TTLL7: variants seen among roughly 807,000 people sequenced by gnomAD.
The protein encoded by TTLL7 is tubulin polyglutamylase TTLL7.
Under a neutral mutation model 120.2 loss-of-function variants are expected in TTLL7, and 53 were observed. The observed-to-expected ratio is 0.44, with a 90% CI of 0.35 to 0.55. The LOEUF is 0.55. TTLL7 is among the 20% of genes least tolerant of loss of function. The probability of loss-of-function intolerance (pLI) is 0.00; values close to 1 mark genes in which losing one functional copy is unlikely to be tolerated. For synonymous variants in TTLL7, 353 were observed against 351.7 expected (o/e 1.00, Z -0.04); for missense variants, 803 against 1,054.7 (o/e 0.76, Z 3.31).
chr1:83,976,083 G>C (rs1220177384), intron 1 of TTLL7, among the ~76,000 whole-genome samples: 1 of 148,438 alleles, frequency 6.7e-6, no homozygotes, highest in Non-Finnish European at 1.5e-5. Flanking sequence ...GTGTCTGTGT[G>C]TGTACTATGT....
At position 83,950,059 on chromosome 1, in the gene TTLL7, T is replaced by C. The variant is rs1648898875; in HGVS notation, c.158-73A>G. On this transcript the variant is annotated intron_variant, in intron 3 of 20. Transcript: ENST00000260505. ...TATATTCATTGCAGAAACATTTTTCTATCTAAACTTTAGTTCATAGTATTT... is the reference window on the plus strand; with the variant it reads ...TATATTCATTGCAGAAACATTTTTCCATCTAAACTTTAGTTCATAGTATTT... The C allele has an allele frequency of 9.1e-6, 12 of 1,314,876 alleles. No homozygotes were observed. The South Asian group carries it at 1.4e-4, about 15-fold the overall frequency. 81.5% of individuals were successfully genotyped at this position (1,314,876 alleles called of 1,614,324 possible).
chr1:83,983,635 A>G (rs564301134), intron 1 of TTLL7, among the ~76,000 whole-genome samples: 3 of 152,344 alleles, frequency 2.0e-5, no homozygotes, highest in Admixed American at 2.0e-4. Flanking sequence ...TCATCAAACT[A>G]AAGAGCTTTT....
At chr1:83,890,202 A>G (rs1481445069) in intron 19 of TTLL7, 119 bp downstream of exon 19, 1 of 994,772 alleles carries the variant, frequency 1.0e-6, no homozygotes, top group Non-Finnish European at 1.5e-6. Flanking sequence ...ACTAAACATT[A>G]CATGCAGTAA....
chr1:83,950,960 A>G (rs918435817), intron 3 of TTLL7, among the ~76,000 whole-genome samples: 9 of 152,292 alleles, frequency 5.9e-5, no homozygotes, highest in Admixed American at 3.3e-4. Flanking sequence ...CAGGAGCACA[A>G]CTGTTCCTGA....
At chr1:83,887,332 G>T (rs1422305393) in intron 19 of TTLL7, 1 of 756,324 alleles carries the variant, frequency 1.3e-6, no homozygotes. Flanking sequence ...CTTAAAAACT[G>T]AGAAGAGTAG....
At chr1:83,966,152 G>A (rs1486839861) in intron 1 of TTLL7, among the ~76,000 whole-genome samples, 1 of 145,158 alleles carries the variant, frequency 6.9e-6, no homozygotes, top group East Asian at 1.9e-4. Flanking sequence ...CATAAATAAT[G>A]TGGGTACGCC....
intron 1 of TTLL7, among the ~76,000 whole-genome samples, chr1:83,998,660 G>A: frequency 6.6e-6 from 1 of 151,318 alleles, no homozygotes; most frequent in East Asian, 2.0e-4. Flanking sequence ...CCCATCTGGA[G>A]CCTAAAAACT....
At chr1:83,947,496 A>C (rs1458853819) in intron 5 of TTLL7, 2 of 460,500 alleles carry the variant, frequency 4.3e-6, no homozygotes, top group East Asian at 8.4e-5. Flanking sequence ...AAAAAAAAAA[A>C]CAACCTTGCC....
Position 83,933,802 on chromosome 1 carries a change from T to C in TTLL7, c.889-36A>G, listed in dbSNP as rs609252. 1.7e-3 allele frequency: 2,694 copies of C among 1,582,078 alleles called. 43 individuals carry two copies. The African/African-American group carries it at 0.032, about 19-fold the overall frequency. On this transcript the variant is annotated intron_variant, in intron 8 of 20. Coordinates refer to ENST00000260505, the MANE Select transcript of TTLL7 (RefSeq NM_024686.6). ...GTGATAAAAGAAGTGAAAATGCCTT[T>C]GTATCTCATTTCATATGTGCAAATA...
intron 1 of TTLL7, among the ~76,000 whole-genome samples, chr1:83,957,742 CA>C (rs1427018269): frequency 6.6e-6 from 1 of 152,150 alleles, no homozygotes; most frequent in Non-Finnish European, 1.5e-5. Flanking sequence ...GAAGATTTCG[CA>C]AAGATGCTTG....
intron 1 of TTLL7, among the ~76,000 whole-genome samples, chr1:83,977,840 G>T (rs201315354): frequency 6.6e-6 from 1 of 152,128 alleles, no homozygotes; most frequent in Non-Finnish European, 1.5e-5. Context: ...TGCAAGATCC[G>T]ACAATGTAGG....
intron 8 of TTLL7, 41 bp downstream of exon 8, chr1:83,937,811 T>C (rs779148981): frequency 1.1e-5 from 17 of 1,604,778 alleles, no homozygotes; most frequent in Non-Finnish European, 1.3e-5. Flanking sequence ...AAATTATTGC[T>C]GAGGAAAGAC....
rs189029113 is a variant in TTLL7, at chr1:83,973,967, T to C, written c.-176-21580A>G. Among the ~76,000 whole-genome samples, 54 of 152,118 alleles carry C rather than the reference T, an allele frequency of 3.5e-4. 1 individual carries two copies. The highest frequency in any genetic ancestry group is 3.5e-3 in the Admixed American group (53 of 15,258). ...CCAGGGTTATGCTTATACAAGCATA[T>C]GCCTAAGTAAAAATCCATCAGGCTG... On this transcript the variant is annotated intron_variant, in intron 1 of 20. Transcript: ENST00000260505.
intron 8 of TTLL7, among the ~76,000 whole-genome samples, chr1:83,937,167 C>T (rs1647473935): frequency 6.6e-6 from 1 of 151,838 alleles, no homozygotes; most frequent in African/African-American, 2.4e-5. Context: ...ACAATCTTTA[C>T]CATTGTATTA....
chr1:83,889,337 T>C (rs1381882656), intron 19 of TTLL7, among the ~76,000 whole-genome samples: 1 of 152,018 alleles, frequency 6.6e-6, no homozygotes, highest in African/African-American at 2.4e-5. Flanking sequence ...ACGTGGGGAT[T>C]ATGGGAACTA....
chr1:83,992,390 T>TA (rs989961164), intron 1 of TTLL7, among the ~76,000 whole-genome samples: 1 of 151,796 alleles, frequency 6.6e-6, no homozygotes, highest in Non-Finnish European at 1.5e-5. Context: ...CAGATTAGTT[T>TA]AAAAAAAATT....
chr1:83,947,085 T>G, intron 6 of TTLL7, 39 bp downstream of exon 6: 2 of 1,525,296 alleles, frequency 1.3e-6, no homozygotes, highest in Non-Finnish European at 8.8e-7. Context: ...TCCCAAATTT[T>G]TTTTTATTTT....
At chr1:83,966,667 A>C (rs1160630886) in intron 1 of TTLL7, among the ~76,000 whole-genome samples, 1 of 152,110 alleles carries the variant, frequency 6.6e-6, no homozygotes, top group African/African-American at 2.4e-5. Context: ...AATGGGTAGA[A>C]AATAGAGATT....
chr1:83,881,279 G>T (rs1654440496), intron 20 of TTLL7, among the ~76,000 whole-genome samples: 1 of 150,326 alleles, frequency 6.7e-6, no homozygotes, highest in Non-Finnish European at 1.5e-5. Context: ...CAGAGCAAAA[G>T]AAACTACCAT....
Sources: gnomAD v4.1 joint callset for allele counts (sites outside exome capture counted in the v4.1 genomes callset) on GRCh38, gnomAD v4.1.1 for gene constraint, MANE v1.5 for transcripts, NCBI Gene and HGNC (gene_info 2026-07-23, HGNC 2026-07-21) for gene names.